GSE1: variants seen among roughly 807,000 people sequenced by gnomAD.
The protein encoded by GSE1 is Gse1 coiled-coil protein.
In GSE1, 32 loss-of-function variants were observed where a neutral mutation model predicts 112.6. That is an observed-to-expected ratio of 0.28 (90% confidence interval 0.21 to 0.38). The LOEUF (loss-of-function observed/expected upper bound fraction) is 0.38. GSE1 is among the 10% of genes least tolerant of loss of function. GSE1 has a pLI of 1.00. For synonymous variants in GSE1, 1,115 were observed against 735.6 expected (o/e 1.52, Z -8.35); for missense variants, 2,348 against 1,699.2 (o/e 1.38, Z -6.71).
At chr16:85,616,954 A>G (rs2151594454) in intron 1 of GSE1, among the ~76,000 whole-genome samples, 1 of 152,300 alleles carries the variant, frequency 6.6e-6, no homozygotes, top group African/African-American at 2.4e-5. Flanking sequence ...TGCCAAACGC[A>G]CACTCGGGGG....
rs1483914289 is a variant in GSE1 at position 85,675,830 on chromosome 16, C to A, written c.*3291C>A. On this transcript the variant is annotated 3_prime_UTR_variant, in exon 16 of 16. Coordinates refer to ENST00000253458, the MANE Select transcript of GSE1 (RefSeq NM_014615.5). ...CCACTTAGCAATCTCTATATTCTTT[C>A]AAGTAACCAAGCTGTTGACTTTCTT... 6.6e-6 allele frequency: 1 copy of A among 152,252 alleles called. No homozygotes were observed. Among genetic ancestry groups the A allele is most frequent in the African/African-American group, 2.4e-5 (1 of 41,456 alleles). The allele number at this position is 152,252 out of a possible 1,614,324, so 9.4% of individuals were successfully genotyped here. A position where few individuals can be genotyped will look rare whatever the true frequency, so the allele number is the denominator to read the frequency against.
intron 3 of GSE1, among the ~76,000 whole-genome samples, chr16:85,652,291 T>A (rs544771337): frequency 1.3e-5 from 2 of 152,340 alleles, no homozygotes; most frequent in African/African-American, 2.4e-5. Flanking sequence ...AAGGTCAGGT[T>A]GGCCCCTCGG....
At chr16:85,434,882 G>C (rs959946998) in intron 2 of GSE1, among the ~76,000 whole-genome samples, 3 of 152,216 alleles carry the variant, frequency 2.0e-5, no homozygotes, top group Non-Finnish European at 4.4e-5. Context: ...GCCCATCTTG[G>C]TCTGCTGCCC....
At chr16:85,299,047 C>A (rs572504453) in intron 1 of GSE1, among the ~76,000 whole-genome samples, 1 of 152,212 alleles carries the variant, frequency 6.6e-6, no homozygotes, top group African/African-American at 2.4e-5. Flanking sequence ...TCCTGACATT[C>A]GTGACCCTGG....
intron 8 of GSE1, among the ~76,000 whole-genome samples, chr16:85,658,695 C>T (rs533548072): frequency 6.6e-6 from 1 of 152,338 alleles, no homozygotes; most frequent in Non-Finnish European, 1.5e-5. Flanking sequence ...AGCCCCCGTC[C>T]CTGAGGCCTC....
Position 85,668,233 on chromosome 16 carries a change from C to G in GSE1, c.3224C>G (p.Pro1075Arg). The G allele has an allele frequency of 1.9e-6, 3 of 1,610,860 alleles. No individual in the cohort carries two copies. The highest frequency in any genetic ancestry group is 1.7e-4 in the Middle Eastern group (1 of 6,032). Residue 1075 changes from proline to arginine, a missense_variant, in exon 14 of 16, where the codon CCT becomes CGT. Pro to Arg is a moderately radical substitution (Grantham distance 103, BLOSUM62 -2). Coordinates refer to ENST00000253458, the MANE Select transcript of GSE1 (RefSeq NM_014615.5). ...IPELQSSSRA[P>R]PPQHNGQQEP... Reference sequence around the variant, plus strand: ...GAGCTGCAGTCCTCCAGCCGCGCCCCTCCACCCCAGCACAATGGGCAGCAG... The same window carrying G: ...GAGCTGCAGTCCTCCAGCCGCGCCCGTCCACCCCAGCACAATGGGCAGCAG...
In GSE1 at chr16:85,673,805, T is replaced by A. The variant is rs2053527448; in HGVS notation, c.*1266T>A. The A allele has an allele frequency of 6.6e-6, 1 of 152,214 alleles. No individual in the cohort carries two copies. Among genetic ancestry groups the A allele is most frequent in the Non-Finnish European group, 1.5e-5 (1 of 68,040 alleles). 9.4% of individuals were successfully genotyped at this position (152,214 alleles called of 1,614,324 possible). ...ATGTGCACACATGGGCGGGGGCTTT[T>A]AAAAACCTTTCAGGAAGTCAATGAT... On this transcript the variant is annotated 3_prime_UTR_variant, in exon 16 of 16. Transcript: ENST00000253458.
intron 2 of GSE1, among the ~76,000 whole-genome samples, chr16:85,360,230 G>A (rs1007779252): frequency 7.2e-5 from 11 of 151,956 alleles, no homozygotes; most frequent in African/African-American, 2.7e-4. Flanking sequence ...AACTCACTGC[G>A]TACTAGCGGG....
chr16:85,194,407 G>A (rs2074887935), intron 1 of GSE1, among the ~76,000 whole-genome samples: 1 of 152,170 alleles, frequency 6.6e-6, no homozygotes, highest in African/African-American at 2.4e-5. Flanking sequence ...TGTGCACAAG[G>A]CAGTAACCAC....
chr16:85,379,703 C>T (rs1245713502), intron 2 of GSE1, among the ~76,000 whole-genome samples: 1 of 152,184 alleles, frequency 6.6e-6, no homozygotes, highest in African/African-American at 2.4e-5. Flanking sequence ...ACTGAAGGGG[C>T]GCCAGGAGTC....
At chr16:85,506,189 T>C (rs765369559) in intron 2 of GSE1, among the ~76,000 whole-genome samples, 38 of 152,152 alleles carry the variant, frequency 2.5e-4, no homozygotes, top group African/African-American at 4.1e-4. Flanking sequence ...CATGGAGCAA[T>C]GTCCTGTGTG....
At chr16:85,357,522 G>T (rs1597475778) in exon 2 of GSE1, 1 of 1,269,222 alleles carries the variant, frequency 7.9e-7, no homozygotes, top group African/African-American at 1.5e-5. Context: ...GGGAGTCCGA[G>T]ACCCGGCCAC....
intron 1 of GSE1, among the ~76,000 whole-genome samples, chr16:85,256,270 TATA>T (rs1054725251): frequency 1.3e-5 from 2 of 152,118 alleles, no homozygotes; most frequent in East Asian, 1.9e-4. Flanking sequence ...ATGATAATAA[TATA>T]ATAATAATAA....
chr16:85,361,464 C>T (rs1423046759), intron 2 of GSE1, among the ~76,000 whole-genome samples: 5 of 152,208 alleles, frequency 3.3e-5, no homozygotes, highest in African/African-American at 4.8e-5. Context: ...CTCCCTCTTT[C>T]CAGGCCACGG....
In GSE1 at chr16:85,404,167, C is replaced by G. The variant is rs1171507291; in HGVS notation, c.2464+46524C>G. Among the ~76,000 whole-genome samples the G allele has an allele frequency of 1.3e-4, 15 of 115,218 alleles. 4 individuals carry two copies. The highest frequency in any genetic ancestry group is 4.6e-4 in the African/African-American group (13 of 28,432). The allele number at this position is 115,218 out of a possible 152,430, so 75.6% of individuals were successfully genotyped here. ...ATCCACACCGTTACACTCAGGGCCC[C>G]CCGGATAATCCTCACCGTTACACTC... On this transcript the variant is annotated intron_variant, in intron 2 of 2. Transcript: ENST00000637419.
At position 85,311,800 on chromosome 16, in the gene GSE1, G is replaced by A. The variant is rs1229157879; in HGVS notation, c.2284-45663G>A. Among the ~76,000 whole-genome samples, 3 of 152,188 alleles carry A rather than the reference G, an allele frequency of 2.0e-5. No individual in the cohort carries two copies. The highest frequency in any genetic ancestry group is 4.4e-5 in the Non-Finnish European group (3 of 68,020). On this transcript the variant is annotated intron_variant, in intron 1 of 2. Transcript: ENST00000637419. This position sits in a 1 kb window ranked among gnomAD's most constrained non-coding sequence, Gnocchi z 4.2. The stretch of plus-strand genomic sequence containing the variant: ...GCCGATGCCCACATACCACCTTGCA[G>A]TCCTGGTGATGGGGACCCACTGTCT...
At chr16:85,355,537 C>A (rs1215777242) in intron 1 of GSE1, among the ~76,000 whole-genome samples, 1 of 152,216 alleles carries the variant, frequency 6.6e-6, no homozygotes, top group African/African-American at 2.4e-5. Context: ...CAGACGCCGA[C>A]AGCCAGGGCT....
intron 1 of GSE1, among the ~76,000 whole-genome samples, chr16:85,630,941 C>T (rs2049489889): frequency 6.6e-6 from 1 of 152,174 alleles, no homozygotes; most frequent in African/African-American, 2.4e-5. Flanking sequence ...CTCCTGGGCT[C>T]ATTGTGAGGC....
chr16:85,305,975 T>C (rs187483606), intron 1 of GSE1, among the ~76,000 whole-genome samples: 2 of 152,162 alleles, frequency 1.3e-5, no homozygotes, highest in Non-Finnish European at 2.9e-5. Flanking sequence ...CCTGTAATGC[T>C]AGCTACTCAG....
Sources: allele counts gnomAD v4.1 joint callset (sites outside exome capture counted in the v4.1 genomes callset), GRCh38; gene constraint gnomAD v4.1.1; non-coding constraint Gnocchi (gnomAD v3.1); transcripts MANE v1.5; gene names NCBI Gene and HGNC (gene_info 2026-07-23, HGNC 2026-07-21).